ELAPOR1: variants seen among roughly 807,000 people sequenced by gnomAD.
ELAPOR1 encodes endosome/lysosome-associated apoptosis and autophagy regulator 1.
A neutral mutation model predicts 119.7 loss-of-function variants in ELAPOR1; 77 were observed. The ratio of observed to expected loss-of-function variants is 0.64; its 90% CI spans 0.54 to 0.78. The LOEUF is 0.78. Ranked by LOEUF, ELAPOR1 falls within the 30% of genes least tolerant of loss-of-function variation. ELAPOR1 has a pLI of 0.00. For synonymous variants in ELAPOR1, 481 were observed against 487.2 expected, an observed-to-expected ratio of 0.99 and a Z score of 0.17; for missense variants, 1,115 against 1,270.4, an observed-to-expected ratio of 0.88 and a Z score of 1.86.
At chr1:109,194,163 A>G (rs1653626608) in intron 14 of ELAPOR1, among the ~76,000 whole-genome samples, 1 of 152,248 alleles carries the variant, frequency 6.6e-6, no homozygotes, top group Non-Finnish European at 1.5e-5. Flanking sequence ...ATAAGGCTAT[A>G]GAATTTGTCC....
intron 2 of ELAPOR1, among the ~76,000 whole-genome samples, chr1:109,163,155 G>A (rs1411683829): frequency 6.6e-6 from 1 of 152,214 alleles, no homozygotes; most frequent in Non-Finnish European, 1.5e-5. Context: ...CAAAAGTTTA[G>A]ACGTGGATGA....
chr1:109,179,409 CAAAAAAAA>C (rs773712424), intron 7 of ELAPOR1, among the ~76,000 whole-genome samples: 4 of 50,450 alleles, frequency 7.9e-5, no homozygotes, highest in African/African-American at 1.5e-4. Context: ...ACTCTGTCTC[CAAAAAAAA>C]AAAAAAAAAA....
At chr1:109,154,463 A>C (rs1270230180) in intron 1 of ELAPOR1, among the ~76,000 whole-genome samples, 1 of 152,138 alleles carries the variant, frequency 6.6e-6, no homozygotes, top group Non-Finnish European at 1.5e-5. Flanking sequence ...AATGAATCGA[A>C]TGACCACCAA....
Position 109,187,123 on chromosome 1 carries a change from G to A in ELAPOR1, c.1042-1054G>A, listed in dbSNP as rs1229343909. On this transcript the variant is annotated intron_variant, in intron 8 of 21. Coordinates refer to ENST00000369939, the MANE Select transcript of ELAPOR1 (RefSeq NM_020775.5). ...AAATCAAGGGACACACCTCGAGCTG[G>A]CTCCTATGATTACATTTCTGACCTT... The A allele has an allele frequency of 3.0e-6, 3 of 985,362 alleles. No homozygotes were observed. The African/African-American group carries it at 5.2e-5, about 17-fold the overall frequency. The allele number at this position is 985,362 out of a possible 1,614,324, so 61.0% of individuals were successfully genotyped here.
chr1:109,197,999 C>CTGGA lies in ELAPOR1; in HGVS notation c.2328_2331dup (p.Ile778TrpfsTer7). 1.2e-6 allele frequency: 2 copies of CTGGA among 1,614,160 alleles called. No homozygotes were observed. The highest frequency in any genetic ancestry group is 1.7e-6 in the Non-Finnish European group (2 of 1,180,000). On this transcript the variant is annotated frameshift_variant, in exon 17 of 22. Transcript: ENST00000369939. LOFTEE classifies it high-confidence loss of function. ...GGCAGGGGTGACAACAGATATGACT[C>CTGGA]TGGATGGAATCACCTCCCCAGCTGA...
intron 2 of ELAPOR1, among the ~76,000 whole-genome samples, chr1:109,162,456 C>T (rs1651321053): frequency 6.6e-6 from 1 of 152,188 alleles, no homozygotes; most frequent in African/African-American, 2.4e-5. Flanking sequence ...CTTTAAAATG[C>T]TCCAGGCATC....
In ELAPOR1 at chr1:109,191,437, TC is replaced by T. The variant is rs755899600; in HGVS notation, c.1512del (p.Cys505ValfsTer3). 6.2e-7 allele frequency: 1 copy of T among 1,614,030 alleles called. No homozygotes were observed. The highest frequency in any genetic ancestry group is 1.3e-5 in the African/African-American group (1 of 74,942). On this transcript the variant is annotated frameshift_variant, in exon 12 of 22. Coordinates refer to ENST00000369939, the MANE Select transcript of ELAPOR1 (RefSeq NM_020775.5). LOFTEE classifies it high-confidence loss of function. ...AGAATCACATTTGTCTTTGAGACCC[TC>T]TGTTCTGTGAACTGTGAGCTCTACT... ...VARITFVFET[L>X]CSVNCELYFM...
In ELAPOR1 at chr1:109,200,592, C is replaced by A. The variant is rs1654107298; in HGVS notation, c.2808-143C>A. 6.7e-6 allele frequency: 5 copies of A among 741,334 alleles called. No individual in the cohort carries two copies. The East Asian group carries it at 1.1e-4, about 16-fold the overall frequency. The allele number at this position is 741,334 out of a possible 1,614,324, so 45.9% of individuals were successfully genotyped here. A position where few individuals can be genotyped will look rare whatever the true frequency, so the allele number is the denominator to read the frequency against. ...GGAACTAAGATTCCTTCTATTACCC[C>A]AGCCCTGACACCATTTTACCATGCT... On this transcript the variant is annotated intron_variant, in intron 20 of 21. Coordinates refer to ENST00000369939, the MANE Select transcript of ELAPOR1 (RefSeq NM_020775.5).
chr1:109,190,807 CT>C (rs1402277878), intron 11 of ELAPOR1, among the ~76,000 whole-genome samples: 1 of 152,228 alleles, frequency 6.6e-6, no homozygotes, highest in African/African-American at 2.4e-5. Context: ...AAACGGAGGA[CT>C]TTGCTGGATC....
At chr1:109,195,425 C>T (rs1369047698) in intron 15 of ELAPOR1, among the ~76,000 whole-genome samples, 4 of 150,696 alleles carry the variant, frequency 2.7e-5, no homozygotes, top group African/African-American at 7.4e-5. Context: ...ACCTGGCAGG[C>T]GGAGCTTGCA....
chr1:109,142,189 G>A (rs542387), intron 1 of ELAPOR1, among the ~76,000 whole-genome samples: 88,421 of 151,738 alleles, frequency 0.58, 27,642 homozygotes, highest in East Asian at 0.92. Context: ...GCACTCTGAA[G>A]AAAGAAAAAA....
At chr1:109,201,121 T>C (rs1180401976) in intron 21 of ELAPOR1, among the ~76,000 whole-genome samples, 1 of 152,228 alleles carries the variant, frequency 6.6e-6, no homozygotes, top group East Asian at 1.9e-4. Context: ...TCAGGCTCCT[T>C]CTCTCTCAAC....
chr1:109,189,109 T>G lies in ELAPOR1; in HGVS notation c.1263T>G (p.Phe421Leu). ...CPAGTEPAVG[F>L]EYKWWNTLPT... ...CAGGGACTGAACCTGCTGTGGGATT[T>G]GAATACAAATGGTGGAACACGCTGC... is the stretch of plus-strand genomic sequence containing the variant. Residue 421 changes from phenylalanine (F) to leucine (L), a missense_variant, in exon 10 of 22, where the codon TTT (phenylalanine) becomes TTG (leucine). Phe to Leu is a conservative substitution (Grantham distance 22). Transcript: ENST00000369939. 6.2e-7 allele frequency: 1 copy of G among 1,614,128 alleles called. No homozygotes were observed. Among genetic ancestry groups the G allele is most frequent in the South Asian group, 1.1e-5 (1 of 91,088 alleles).
At chr1:109,183,592 C>CCCTCCCTCCCTT (rs1652868737) in intron 7 of ELAPOR1, among the ~76,000 whole-genome samples, 1 of 77,586 alleles carries the variant, frequency 1.3e-5, no homozygotes, top group Non-Finnish European at 2.6e-5. Flanking sequence ...TTCCTTCCTT[C>CCCTCCCTCCCTT]CTTCCTTCCT....
chr1:109,184,124 C>T (rs770556242), intron 7 of ELAPOR1, among the ~76,000 whole-genome samples: 7 of 152,080 alleles, frequency 4.6e-5, no homozygotes, highest in Non-Finnish European at 8.8e-5. Context: ...GTAATTCCAG[C>T]GCTTTGGGAG....
chr1:109,122,662 A>T (rs111489862), intron 1 of ELAPOR1, among the ~76,000 whole-genome samples: 17,527 of 145,850 alleles, frequency 0.12, 1,480 homozygotes, highest in African/African-American at 0.24. Context: ...CTCTCTCTTT[A>T]AAAAAAAAAA....
At chr1:109,187,633 A>G (rs1653137723) in intron 8 of ELAPOR1, 2 of 1,002,206 alleles carry the variant, frequency 2.0e-6, no homozygotes, top group Non-Finnish European at 2.4e-6. Context: ...TCTGTACCCA[A>G]TGCAGGGGCC....
intron 12 of ELAPOR1, 79 bp from the exon 13 acceptor site, chr1:109,191,647 C>T (rs1653444380): frequency 6.4e-7 from 1 of 1,574,468 alleles, no homozygotes; most frequent in Admixed American, 1.7e-5. Context: ...ACCGTGATGG[C>T]ACCTGGGATG....
chr1:109,172,751 T>G (rs543288710), intron 5 of ELAPOR1, among the ~76,000 whole-genome samples, 183 bp downstream of exon 5: 1 of 152,326 alleles, frequency 6.6e-6, no homozygotes, highest in Admixed American at 6.5e-5. Context: ...GTGAGCTGAC[T>G]TGTAGCTTCT....
Sources: gnomAD v4.1 joint callset for allele counts (sites outside exome capture counted in the v4.1 genomes callset) on GRCh38, gnomAD v4.1.1 for gene constraint, MANE v1.5 for transcripts, NCBI Gene and HGNC (gene_info 2026-07-23, HGNC 2026-07-21) for gene names.